RFFL: variants seen among roughly 807,000 people sequenced by gnomAD.
RFFL encodes E3 ubiquitin-protein ligase rififylin.
A neutral mutation model predicts 40.4 loss-of-function variants in RFFL; 16 were observed. The ratio of observed to expected loss-of-function variants is 0.40; its 90% CI spans 0.27 to 0.60. The LOEUF is 0.60. RFFL is among the 20% of genes least tolerant of loss of function. RFFL has a pLI of 0.47. For missense variants in RFFL, 367 were observed against 451.7 expected (o/e 0.81, Z 1.70); for synonymous variants, 154 against 167.9 (o/e 0.92, Z 0.64).
At chr17:35,037,835 G>A (rs1341516137) in intron 1 of RFFL, among the ~76,000 whole-genome samples, 1 of 152,084 alleles carries the variant, frequency 6.6e-6, no homozygotes, top group Admixed American at 6.6e-5. Flanking sequence ...ATCTCTACAG[G>A]AACTTTCCTA....
rs573408728 is a variant in RFFL at position 35,072,140 on chromosome 17, G to T, written c.-9+16965C>A. Among the ~76,000 whole-genome samples the T allele has an allele frequency of 4.6e-5, 7 of 152,062 alleles. No homozygotes were observed. In the East Asian group the frequency reaches 1.4e-3, roughly 29 times the overall value. Reference sequence around the variant, plus strand: ...TAAAAAAAATACAAAAATTAGCTGGGTGTGGTGGTGCACACCTGTAGTCTC... The same window carrying T: ...TAAAAAAAATACAAAAATTAGCTGGTTGTGGTGGTGCACACCTGTAGTCTC... On this transcript the variant is annotated intron_variant, in intron 1 of 6. Transcript: ENST00000315249.
rs1267192628 is a variant in RFFL at position 35,008,894 on chromosome 17, G to T, written c.*3074C>A. 6.6e-6 allele frequency: 1 copy of T among 152,266 alleles called. No individual in the cohort carries two copies. The highest frequency in any genetic ancestry group is 1.5e-5 in the Non-Finnish European group (1 of 68,108). The allele number at this position is 152,266 out of a possible 1,614,324, so 9.4% of individuals were successfully genotyped here. A position where few individuals can be genotyped will look rare whatever the true frequency, so the allele number is the denominator to read the frequency against. ...GATCTGCCCGCCTCAGCCTCCCAAA[G>T]TGCTGGGATTACAGGCGTGAGCCAC... On this transcript the variant is annotated 3_prime_UTR_variant, in exon 7 of 7. Coordinates refer to ENST00000394597, the MANE Select transcript of RFFL (RefSeq NM_001017368.2).
At position 35,006,708 on chromosome 17, in the gene RFFL, G is replaced by A. The variant is rs1174975155; in HGVS notation, c.*5260C>T. On this transcript the variant is annotated 3_prime_UTR_variant, in exon 7 of 7. Transcript: ENST00000394597. ...CATATGGTTGTAAACTGGCTGCCAT[G>A]TCCCAATCCTTCCAGCTCTTGAGGG... 1 of 152,250 alleles carries A rather than the reference G, an allele frequency of 6.6e-6. No homozygotes were observed. Among genetic ancestry groups the A allele is most frequent in the African/African-American group, 2.4e-5 (1 of 41,424 alleles). The allele number at this position is 152,250 out of a possible 1,614,324, so 9.4% of individuals were successfully genotyped here. A position where few individuals can be genotyped will look rare whatever the true frequency, so the allele number is the denominator to read the frequency against.
chr17:35,024,919 A>C (rs900579870), intron 2 of RFFL, among the ~76,000 whole-genome samples: 2 of 152,138 alleles, frequency 1.3e-5, no homozygotes, highest in Non-Finnish European at 2.9e-5. Context: ...GTAGCAAGAA[A>C]ATATTGTAGC....
chr17:35,012,802 G>A (rs1244819492), intron 6 of RFFL, among the ~76,000 whole-genome samples: 10 of 152,064 alleles, frequency 6.6e-5, no homozygotes, highest in Non-Finnish European at 1.5e-5. Context: ...TTATCACATT[G>A]GATTAAAATT....
intron 1 of RFFL, among the ~76,000 whole-genome samples, chr17:35,054,199 T>C (rs1414441840): frequency 6.6e-6 from 1 of 152,226 alleles, no homozygotes; most frequent in Non-Finnish European, 1.5e-5. Flanking sequence ...TTTACCTTCC[T>C]CTCTAACCGT....
At chr17:35,044,957 G>A (rs1337635428) in intron 1 of RFFL, among the ~76,000 whole-genome samples, 6 of 151,046 alleles carry the variant, frequency 4.0e-5, no homozygotes, top group Admixed American at 4.0e-4. Flanking sequence ...CTGCAGCCTC[G>A]ATCTCCCAGG....
chr17:35,047,664 TG>T (rs1449260772), intron 1 of RFFL, among the ~76,000 whole-genome samples: 1 of 152,052 alleles, frequency 6.6e-6, no homozygotes, highest in Non-Finnish European at 1.5e-5. Context: ...TCTCACTCAC[TG>T]CAACTTCTGC....
intron 1 of RFFL, among the ~76,000 whole-genome samples, chr17:35,043,292 A>G (rs9896994): frequency 0.012 from 1,809 of 152,308 alleles, 31 homozygotes; most frequent in African/African-American, 0.041. Flanking sequence ...TCAGAGTAAC[A>G]GGAATACATT....
At chr17:35,082,413 T>C (rs1195671956) in intron 1 of RFFL, among the ~76,000 whole-genome samples, 2 of 152,248 alleles carry the variant, frequency 1.3e-5, no homozygotes, top group African/African-American at 4.8e-5. Context: ...CAAATACAGA[T>C]GGCAGAATTT....
At chr17:35,068,470 G>T (rs1421114397), upstream of RFFL, among the ~76,000 whole-genome samples, 3 of 152,194 alleles carry the variant, frequency 2.0e-5, no homozygotes, top group African/African-American at 7.2e-5. Flanking sequence ...TACAGGAACT[G>T]GCACTGCATG....
chr17:35,079,108 G>A (rs1052536741), intron 1 of RFFL, among the ~76,000 whole-genome samples: 9 of 151,914 alleles, frequency 5.9e-5, no homozygotes, highest in African/African-American at 9.7e-5. Context: ...ATGGTATATC[G>A]ATCCCTCCCA....
chr17:35,066,309 T>G (rs11868399), upstream of RFFL, among the ~76,000 whole-genome samples: 13,982 of 152,228 alleles, frequency 0.092, 1,971 homozygotes, highest in African/African-American at 0.3. Context: ...CAGATTTACT[T>G]TCTTTTCTGC....
At chr17:35,034,524 G>T (rs1016043510) in intron 1 of RFFL, among the ~76,000 whole-genome samples, 2 of 150,628 alleles carry the variant, frequency 1.3e-5, no homozygotes, top group Non-Finnish European at 3.0e-5. Context: ...TTAAATCCAC[G>T]TTACTTTTTT....
intron 1 of RFFL, among the ~76,000 whole-genome samples, 186 bp downstream of exon 1, chr17:35,063,390 G>A (rs1164442690): frequency 7.7e-6 from 1 of 129,856 alleles, no homozygotes; most frequent in Non-Finnish European, 1.6e-5. Flanking sequence ...GGGAGGTGAA[G>A]GTTGCAGTGA....
intron 1 of RFFL, among the ~76,000 whole-genome samples, chr17:35,059,325 T>C (rs1003893481): frequency 6.6e-6 from 1 of 152,046 alleles, no homozygotes; most frequent in African/African-American, 2.4e-5. Context: ...GGCCACTCGA[T>C]ATAGGTTTAT....
intron 2 of RFFL, among the ~76,000 whole-genome samples, chr17:35,025,875 T>G (rs1243810311): frequency 6.6e-6 from 1 of 152,246 alleles, no homozygotes; most frequent in African/African-American, 2.4e-5. Context: ...CTCCAGTCTT[T>G]GTTATGGTCT....
chr17:35,087,652 C>A (rs1029078246), intron 1 of RFFL, among the ~76,000 whole-genome samples: 1 of 152,204 alleles, frequency 6.6e-6, no homozygotes, highest in Non-Finnish European at 1.5e-5. Context: ...TGAACATTTT[C>A]TTCAATCACA....
chr17:35,012,226 G>T, intron 6 of RFFL, 77 bp from the exon 7 acceptor site: 2 of 1,277,498 alleles, frequency 1.6e-6, no homozygotes, highest in Non-Finnish European at 2.2e-6. Flanking sequence ...GGTGACTGGG[G>T]GAGGGAGGTG....
Sources: gnomAD v4.1 joint callset for allele counts (sites outside exome capture counted in the v4.1 genomes callset) on GRCh38, gnomAD v4.1.1 for gene constraint, MANE v1.5 for transcripts, NCBI Gene and HGNC (gene_info 2026-07-23, HGNC 2026-07-21) for gene names.